The following FYB1 variants were observed in gnomAD, a reference collection of about 807,000 sequenced individuals.
The protein encoded by FYB1 is FYN binding protein 1.
A neutral mutation model predicts 94.1 loss-of-function variants in FYB1; 41 were observed. The ratio of observed to expected loss-of-function variants is 0.44; its 90% CI spans 0.34 to 0.57. The LOEUF (loss-of-function observed/expected upper bound fraction) is 0.57. Among genes scored for constraint, FYB1 ranks in the 20% least tolerant of loss-of-function variants. The probability of loss-of-function intolerance (pLI) is 0.02; values close to 1 mark genes in which losing one functional copy is unlikely to be tolerated. For synonymous variants in FYB1, 367 were observed against 353.2 expected, an observed-to-expected ratio of 1.04 and a Z score of -0.44; for missense variants, 1,050 against 976.8, an observed-to-expected ratio of 1.07 and a Z score of -1.00.
chr5:39,155,996 G>A (rs1162445612), intron 2 of FYB1, among the ~76,000 whole-genome samples: 1 of 152,056 alleles, frequency 6.6e-6, no homozygotes, highest in African/African-American at 2.4e-5. Flanking sequence ...AAGAGAATAC[G>A]CCTCTGTGAG....
chr5:39,134,755 C>T (rs1015780248), intron 8 of FYB1, 100 bp downstream of exon 8: 21 of 1,255,534 alleles, frequency 1.7e-5, no homozygotes, highest in Non-Finnish European at 2.1e-5. Context: ...CTGTAAAGTA[C>T]TCCTAACTCG....
intron 16 of FYB1, among the ~76,000 whole-genome samples, chr5:39,112,510 T>C (rs769242719): frequency 6.6e-6 from 1 of 152,066 alleles, no homozygotes; most frequent in Non-Finnish European, 1.5e-5. Flanking sequence ...AGACTGAAGT[T>C]ATTCTGGCAT....
Position 39,242,276 on chromosome 5 carries a change from C to T in FYB1, c.-28+32127G>A, listed in dbSNP as rs191410565. Reference sequence around the variant, plus strand: ...TTTACATTAGGTATATCTCCTAATGCTATCCCTCCCCCCTCCCCCCACGCC... The same window carrying T: ...TTTACATTAGGTATATCTCCTAATGTTATCCCTCCCCCCTCCCCCCACGCC... On this transcript the variant is annotated intron_variant, in intron 1 of 1. Transcript: ENST00000510188. Among the ~76,000 whole-genome samples, 420 of 150,024 alleles carry T rather than the reference C, an allele frequency of 2.8e-3. 7 individuals carry two copies. The highest frequency in any genetic ancestry group is 0.01 in the African/African-American group (407 of 40,378).
Position 39,127,535 on chromosome 5 carries a change from G to A in FYB1, c.1907+206C>T, listed in dbSNP as rs192791929. 5.1e-3 allele frequency among the ~76,000 whole-genome samples: 767 copies of A among 150,038 alleles called. 5 individuals carry two copies. Among genetic ancestry groups the A allele is most frequent in the Non-Finnish European group, 6.1e-3 (411 of 67,654 alleles). ...CACTTGTTTTGCTGTAGTTATTGAA[G>A]TTCTTCCAAACAATCAAACACTTCG... On this transcript the variant is annotated intron_variant, in intron 11 of 18. Transcript: ENST00000512982.
chr5:39,194,662 A>G (rs1747672314), intron 2 of FYB1, among the ~76,000 whole-genome samples: 1 of 152,222 alleles, frequency 6.6e-6, no homozygotes, highest in Non-Finnish European at 1.5e-5. Context: ...TTGCTGGCTT[A>G]TCTTAGAAGA....
intron 1 of FYB1, among the ~76,000 whole-genome samples, chr5:39,266,960 G>A (rs1256938499): frequency 6.6e-6 from 1 of 152,076 alleles, no homozygotes; most frequent in African/African-American, 2.4e-5. Flanking sequence ...TACTTTTTCT[G>A]AGACGTAACA....
At chr5:39,162,124 A>T (rs974811992) in intron 2 of FYB1, among the ~76,000 whole-genome samples, 1 of 152,176 alleles carries the variant, frequency 6.6e-6, no homozygotes, top group Non-Finnish European at 1.5e-5. Context: ...TCTGCCTGTT[A>T]TACAGAATGC....
chr5:39,169,292 A>G lies in FYB1; in HGVS notation c.1136-15688T>C, dbSNP rs564716271. ...TGACCCAGAGGTGAAGCCAAGCCAT[A>G]TATATAATCACAAAAACTCATGCTA... On this transcript the variant is annotated intron_variant, in intron 2 of 18. Coordinates refer to ENST00000512982, the MANE Select transcript of FYB1 (RefSeq NM_001465.6). 1.2e-4 allele frequency: 105 copies of G among 876,984 alleles called. 1 individual carries two copies. In the South Asian group the frequency reaches 1.3e-3, roughly 11 times the overall value. The allele number at this position is 876,984 out of a possible 1,614,324, so 54.3% of individuals were successfully genotyped here. A position where few individuals can be genotyped will look rare whatever the true frequency, so the allele number is the denominator to read the frequency against.
Position 39,224,801 on chromosome 5 carries a change from T to G in FYB1, c.-27-21814A>C, listed in dbSNP as rs143390034. Among the ~76,000 whole-genome samples, 417 of 152,304 alleles carry G rather than the reference T, an allele frequency of 2.7e-3. 2 individuals are homozygous for G. Among genetic ancestry groups the G allele is most frequent in the Middle Eastern group, 0.01 (3 of 294 alleles). On this transcript the variant is annotated intron_variant, in intron 1 of 1. Coordinates refer to the FYB1 transcript ENST00000510188. ...TGTAAAAAGTGGCTTTTCTCTACTTTCCTCTCCCTAAATCCTTCTAACTTC... is the reference window on the plus strand; with the variant it reads ...TGTAAAAAGTGGCTTTTCTCTACTTGCCTCTCCCTAAATCCTTCTAACTTC...
At chr5:39,145,662 G>T (rs1742576492) in intron 3 of FYB1, among the ~76,000 whole-genome samples, 1 of 152,216 alleles carries the variant, frequency 6.6e-6, no homozygotes, top group Non-Finnish European at 1.5e-5. Context: ...CACTGACATT[G>T]TACAGAGTAA....
chr5:39,244,092 G>A (rs1234258973), intron 1 of FYB1, among the ~76,000 whole-genome samples: 1 of 152,090 alleles, frequency 6.6e-6, no homozygotes, highest in African/African-American at 2.4e-5. Flanking sequence ...TGCAAACAGG[G>A]ACAATTTGAG....
intron 1 of FYB1, among the ~76,000 whole-genome samples, chr5:39,218,609 C>T (rs189378985): frequency 6.6e-6 from 1 of 152,154 alleles, no homozygotes; most frequent in Non-Finnish European, 1.5e-5. Context: ...TCAACAACTC[C>T]ATGAGATGAG....
At chr5:39,172,333 C>T (rs1745322986) in intron 2 of FYB1, among the ~76,000 whole-genome samples, 1 of 151,996 alleles carries the variant, frequency 6.6e-6, no homozygotes, top group South Asian at 2.1e-4. Flanking sequence ...GTAATCCCAG[C>T]TACTTGGGAG....
intron 1 of FYB1, among the ~76,000 whole-genome samples, chr5:39,256,264 T>C (rs1751937006): frequency 1.3e-5 from 2 of 152,164 alleles, no homozygotes; most frequent in Admixed American, 1.3e-4. Flanking sequence ...GTATTCACAG[T>C]GATCAAAAGG....
intron 1 of FYB1, among the ~76,000 whole-genome samples, chr5:39,246,128 C>G (rs1751468834): frequency 6.6e-6 from 1 of 152,092 alleles, no homozygotes; most frequent in Non-Finnish European, 1.5e-5. Flanking sequence ...GTAGGTACCT[C>G]TGTTTGGGGT....
At position 39,106,429 on chromosome 5, in the gene FYB1, C is replaced by T. The variant is rs1201851857; in HGVS notation, c.*1014G>A. 1 of 151,772 alleles carries T rather than the reference C, an allele frequency of 6.6e-6. No homozygotes were observed. Among genetic ancestry groups the T allele is most frequent in the Non-Finnish European group, 1.5e-5 (1 of 67,946 alleles). The allele number at this position is 151,772 out of a possible 1,614,324, so 9.4% of individuals were successfully genotyped here. ...TGGTTCACATTTTGTTTTTGGATTG[C>T]TTTGGGAATGAGTATGTACTGTTAG... On this transcript the variant is annotated 3_prime_UTR_variant, in exon 19 of 19. Transcript: ENST00000512982.
chr5:39,259,471 T>C (rs1752126127), intron 1 of FYB1, among the ~76,000 whole-genome samples: 1 of 152,186 alleles, frequency 6.6e-6, no homozygotes. Context: ...TACAGGTAAG[T>C]ACAGCATGAG....
intron 1 of FYB1, among the ~76,000 whole-genome samples, chr5:39,235,839 T>C (rs1750936675): frequency 6.6e-6 from 1 of 152,116 alleles, no homozygotes; most frequent in South Asian, 2.1e-4. Flanking sequence ...GATAAGCTTC[T>C]AGAACAGTGT....
chr5:39,171,795 A>C (rs1220570165), intron 2 of FYB1, among the ~76,000 whole-genome samples: 1 of 152,210 alleles, frequency 6.6e-6, no homozygotes, highest in African/African-American at 2.4e-5. Flanking sequence ...CCTTCTGGCT[A>C]TCACTTGCCC....
Sources: gnomAD v4.1 joint callset for allele counts (sites outside exome capture counted in the v4.1 genomes callset) on GRCh38, gnomAD v4.1.1 for gene constraint, MANE v1.5 for transcripts, NCBI Gene and HGNC (gene_info 2026-07-23, HGNC 2026-07-21) for gene names.